The following EML6 variants were observed in gnomAD, a reference collection of about 807,000 sequenced individuals.
EML6 encodes echinoderm microtubule-associated protein-like 6.
In EML6, 154 loss-of-function variants were observed where a neutral mutation model predicts 240.1. The ratio of observed to expected loss-of-function variants is 0.64; its 90% CI spans 0.56 to 0.73. The LOEUF (loss-of-function observed/expected upper bound fraction) is 0.73. Among genes scored for constraint, EML6 ranks in the 30% least tolerant of loss-of-function variants. EML6 has a pLI of 0.00. For missense variants in EML6, 2,964 were observed against 2,474.6 expected (o/e 1.20, Z -4.20); for synonymous variants, 1,148 against 899.0 (o/e 1.28, Z -4.95).
chr2:54,968,337 A>T (rs1676840018), intron 40 of EML6, 56 bp downstream of exon 40: 2 of 1,503,000 alleles, frequency 1.3e-6, no homozygotes, highest in Admixed American at 2.0e-5. Context: ...CGTCTGCAGG[A>T]GATAGGGGCC....
chr2:54,956,578 A>G (rs561221067), intron 32 of EML6, among the ~76,000 whole-genome samples: 2 of 152,262 alleles, frequency 1.3e-5, no homozygotes, highest in African/African-American at 4.8e-5. Flanking sequence ...CTGCTACAGT[A>G]AGTCAGAGAT....
intron 2 of EML6, among the ~76,000 whole-genome samples, chr2:54,751,320 A>T (rs1347442275): frequency 2.0e-5 from 3 of 152,158 alleles, no homozygotes; most frequent in African/African-American, 7.2e-5. Flanking sequence ...CGGGGATGTA[A>T]AGGAGCTTGG....
At chr2:54,750,053 C>T (rs139319491) in intron 2 of EML6, among the ~76,000 whole-genome samples, 211 of 152,344 alleles carry the variant, frequency 1.4e-3, no homozygotes, top group Admixed American at 2.5e-3. Context: ...ATTCCTGTCA[C>T]CTGTTTCTTG....
In EML6 at chr2:54,961,184, G is replaced by GTTGTTGTTTTTTTTTTTTTTTTTTTTTTT; in HGVS notation, c.4968+852_4968+853insGTTGTTTTTTTTTTTTTTTTTTTTTTTTT. The stretch of plus-strand genomic sequence containing the variant: ...GGAGCCTGGAAGTTATCAGGAAGTA[G>GTTGTTGTTTTTTTTTTTTTTTTTTTTTTT]TTTTTTTTTTTTTTTTTTTGAGACG... On this transcript the variant is annotated intron_variant, in intron 35 of 41. Transcript: ENST00000356458. Among the ~76,000 whole-genome samples, 8 of 55,416 alleles carry GTTGTTGTTTTTTTTTTTTTTTTTTTTTTT rather than the reference G, an allele frequency of 1.4e-4. 1 individual carries two copies. Among genetic ancestry groups the GTTGTTGTTTTTTTTTTTTTTTTTTTTTTT allele is most frequent in the South Asian group, 6.9e-4 (1 of 1,454 alleles). The allele number at this position is 55,416 out of a possible 152,430, so 36.4% of individuals were successfully genotyped here.
chr2:54,725,207 C>T lies in EML6; in HGVS notation c.146C>T (p.Thr49Ile). 2.7e-6 allele frequency: 4 copies of T among 1,504,552 alleles called. No individual in the cohort carries two copies. The highest frequency in any genetic ancestry group is 1.3e-5 in the South Asian group (1 of 79,784). The allele number at this position is 1,504,552 out of a possible 1,614,324, so 93.2% of individuals were successfully genotyped here. ...GCTGGGGTCGGGGTGGTTTACAACA[C>T]CCGCGAGCACAGCCAAAAATTCTTC... ...FVAGVGVVYNTREHSQKFFLG... is the reference protein window; with the variant it reads ...FVAGVGVVYNIREHSQKFFLG... The change falls in exon 2 of 42, where the codon ACC becomes ATC. Residue 49 changes from threonine to isoleucine, a missense_variant. Coordinates refer to ENST00000356458, the MANE Select transcript of EML6 (RefSeq NM_001039753.4). This position sits in a 1 kb window ranked among gnomAD's most constrained non-coding sequence, Gnocchi z 4.3.
At chr2:54,771,840 A>G (rs568519415) in intron 2 of EML6, among the ~76,000 whole-genome samples, 1 of 151,316 alleles carries the variant, frequency 6.6e-6, no homozygotes, top group East Asian at 1.9e-4. Context: ...TACCTCTTCA[A>G]GAAGAAGATT....
At chr2:54,790,807 G>A (rs895112526) in intron 2 of EML6, among the ~76,000 whole-genome samples, 11 of 146,510 alleles carry the variant, frequency 7.5e-5, no homozygotes, top group Non-Finnish European at 1.3e-4. Context: ...CTCACTGCAA[G>A]CTCCGCCTCC....
intron 17 of EML6, among the ~76,000 whole-genome samples, chr2:54,885,111 T>G (rs1672054169): frequency 6.8e-6 from 1 of 148,020 alleles, no homozygotes; most frequent in African/African-American, 2.5e-5. Context: ...GAGCCCAGAT[T>G]GCGCCACTGC....
intron 2 of EML6, among the ~76,000 whole-genome samples, chr2:54,791,345 GT>G (rs1468914232): frequency 6.6e-6 from 1 of 152,134 alleles, no homozygotes; most frequent in Non-Finnish European, 1.5e-5. Flanking sequence ...CCTACATTCT[GT>G]CCAGTTTGAT....
chr2:54,825,491 G>A (rs371164615), intron 5 of EML6, among the ~76,000 whole-genome samples: 1 of 152,112 alleles, frequency 6.6e-6, no homozygotes, highest in Admixed American at 6.5e-5. Context: ...TCTAACTCCT[G>A]GGCTCAAGTG....
intron 35 of EML6, among the ~76,000 whole-genome samples, chr2:54,961,079 A>G (rs887001757): frequency 5.9e-5 from 9 of 151,962 alleles, no homozygotes; most frequent in African/African-American, 1.9e-4. Flanking sequence ...ATGATTCAAA[A>G]CTGGGGATTT....
intron 12 of EML6, among the ~76,000 whole-genome samples, chr2:54,863,452 A>G (rs374541066): frequency 5.9e-5 from 9 of 151,990 alleles, no homozygotes; most frequent in African/African-American, 2.2e-4. Flanking sequence ...GCCCCGGAGG[A>G]GGAGGTTGTA....
chr2:54,802,939 G>A (rs1446894975), intron 2 of EML6, among the ~76,000 whole-genome samples: 1 of 152,158 alleles, frequency 6.6e-6, no homozygotes, highest in African/African-American at 2.4e-5. Flanking sequence ...AAACTGCGCA[G>A]AATTGAGAGT....
intron 3 of EML6, 84 bp from the exon 4 acceptor site, chr2:54,816,703 C>G: frequency 9.4e-7 from 1 of 1,065,652 alleles, no homozygotes; most frequent in Non-Finnish European, 1.4e-6. Context: ...AATGCCTAAC[C>G]CATAGTAAAT....
intron 16 of EML6, among the ~76,000 whole-genome samples, chr2:54,874,826 T>A (rs924432378): frequency 1.3e-5 from 2 of 152,196 alleles, no homozygotes; most frequent in Admixed American, 6.5e-5. Context: ...GAGTCTTAAA[T>A]CCTTGCAACC....
chr2:54,811,021 C>A (rs1202803380), intron 2 of EML6, among the ~76,000 whole-genome samples: 1 of 152,138 alleles, frequency 6.6e-6, no homozygotes, highest in Non-Finnish European at 1.5e-5. Flanking sequence ...TGTGCCCAAG[C>A]TTGTCCTTGA....
At chr2:54,903,312 C>A (rs1486911239) in intron 23 of EML6, 59 bp from the exon 24 acceptor site, 9 of 1,530,508 alleles carry the variant, frequency 5.9e-6, no homozygotes, top group Non-Finnish European at 7.1e-6. Context: ...ATACTAAGTT[C>A]CTGGAAGTAA....
chr2:54,813,167 T>C (rs1667933890), intron 2 of EML6, 65 bp from the exon 3 acceptor site: 1 of 1,158,508 alleles, frequency 8.6e-7, no homozygotes, highest in African/African-American at 1.6e-5. Flanking sequence ...GAAACAGATT[T>C]GGATAAAAGG....
chr2:54,738,265 A>G (rs1683483731), intron 2 of EML6, among the ~76,000 whole-genome samples: 1 of 152,190 alleles, frequency 6.6e-6, no homozygotes, highest in Non-Finnish European at 1.5e-5. Flanking sequence ...TGAATGAACA[A>G]ATGAAAGACT....
Sources: gnomAD v4.1 joint callset for allele counts (sites outside exome capture counted in the v4.1 genomes callset) on GRCh38, gnomAD v4.1.1 for gene constraint, Gnocchi (gnomAD v3.1) non-coding constraint, MANE v1.5 for transcripts, NCBI Gene and HGNC (gene_info 2026-07-23, HGNC 2026-07-21) for gene names.